The following NUF2 variants were observed in gnomAD, a reference collection of about 807,000 sequenced individuals.
NUF2 encodes kinetochore protein Nuf2.
Under a neutral mutation model 61.8 loss-of-function variants are expected in NUF2, and 34 were observed. The observed-to-expected ratio is 0.55, with a 90% CI of 0.42 to 0.73. The LOEUF is 0.73. NUF2 is among the 30% of genes least tolerant of loss of function. The pLI is 0.00. For synonymous variants in NUF2, 172 were observed against 181.6 expected (o/e 0.95, Z 0.42); for missense variants, 445 against 539.1 (o/e 0.83, Z 1.73).
At chr1:163,329,946 T>G (rs1459881688) in intron 5 of NUF2, among the ~76,000 whole-genome samples, 1 of 152,076 alleles carries the variant, frequency 6.6e-6, no homozygotes, top group African/African-American at 2.4e-5. Flanking sequence ...AAGAAGCCAG[T>G]CTGCAAAGCC....
chr1:163,338,525 C>T (rs1177702991), intron 7 of NUF2, among the ~76,000 whole-genome samples: 1 of 151,954 alleles, frequency 6.6e-6, no homozygotes, highest in Non-Finnish European at 1.5e-5. Flanking sequence ...AAGAATCACT[C>T]AACAGTTGTG....
chr1:163,329,978 G>A (rs1439981087), intron 5 of NUF2, among the ~76,000 whole-genome samples: 1 of 152,104 alleles, frequency 6.6e-6, no homozygotes, highest in Non-Finnish European at 1.5e-5. Context: ...ATATCATTCT[G>A]GAAAGGGCAA....
intron 4 of NUF2, 39 bp downstream of exon 4, chr1:163,328,343 G>GT (rs1557946998): frequency 1.6e-6 from 2 of 1,244,916 alleles, no homozygotes. Context: ...GTCTACATTC[G>GT]TATTTATATT....
chr1:163,347,393 C>A (rs1270202153), intron 11 of NUF2, among the ~76,000 whole-genome samples: 1 of 152,206 alleles, frequency 6.6e-6, no homozygotes, highest in East Asian at 1.9e-4. Context: ...TTGTGTTACC[C>A]AAAAAAGATG....
intron 11 of NUF2, chr1:163,346,198 A>T (rs1033642026): frequency 6.6e-6 from 1 of 152,294 alleles, no homozygotes; most frequent in African/African-American, 2.4e-5. Flanking sequence ...CATACCTATG[A>T]TAAAGTTTAA....
At chr1:163,331,233 C>T (rs1650589941) in intron 5 of NUF2, among the ~76,000 whole-genome samples, 1 of 151,696 alleles carries the variant, frequency 6.6e-6, no homozygotes, top group Non-Finnish European at 1.5e-5. Flanking sequence ...GAGTTTTTAT[C>T]ATGAAGGGTA....
chr1:163,325,992 C>G, intron 1 of NUF2, 40 bp from the exon 2 acceptor site: 4 of 1,523,440 alleles, frequency 2.6e-6, no homozygotes, highest in Non-Finnish European at 2.7e-6. Context: ...ATGAGAACTA[C>G]TGATCATGTG....
At chr1:163,348,761 T>G (rs558290055) in intron 12 of NUF2, among the ~76,000 whole-genome samples, 184 bp from the exon 13 acceptor site, 1 of 152,294 alleles carries the variant, frequency 6.6e-6, no homozygotes, top group South Asian at 2.1e-4. Context: ...GAGTTCACAC[T>G]ATGTTGTGAT....
intron 10 of NUF2, among the ~76,000 whole-genome samples, chr1:163,344,243 A>G (rs564199656): frequency 6.6e-6 from 1 of 152,134 alleles, no homozygotes; most frequent in Non-Finnish European, 1.5e-5. Flanking sequence ...GCATGTGTGT[A>G]GGTAGGGGTA....
At chr1:163,331,664 A>C (rs1027301449) in intron 5 of NUF2, among the ~76,000 whole-genome samples, 13 of 152,124 alleles carry the variant, frequency 8.5e-5, no homozygotes, top group African/African-American at 3.1e-4. Flanking sequence ...TAAGAATTCA[A>C]AGTCTTTAAT....
At chr1:163,330,404 G>A (rs1459974577) in intron 5 of NUF2, among the ~76,000 whole-genome samples, 2 of 152,126 alleles carry the variant, frequency 1.3e-5, no homozygotes, top group Non-Finnish European at 2.9e-5. Context: ...CTATTTTTGA[G>A]CTCGCTATTC....
At chr1:163,338,437 G>C (rs867527867) in intron 7 of NUF2, among the ~76,000 whole-genome samples, 4 of 151,860 alleles carry the variant, frequency 2.6e-5, no homozygotes, top group Non-Finnish European at 5.9e-5. Flanking sequence ...CAGATCAGTT[G>C]ATTCCATCAA....
intron 3 of NUF2, 125 bp downstream of exon 3, chr1:163,327,687 C>A (rs943356306): frequency 4.8e-6 from 3 of 629,548 alleles, no homozygotes; most frequent in Non-Finnish European, 8.5e-6. Flanking sequence ...TTATTTTTAA[C>A]AAATTCAAAG....
At chr1:163,347,092 A>G (rs1301286905) in intron 11 of NUF2, among the ~76,000 whole-genome samples, 1 of 152,254 alleles carries the variant, frequency 6.6e-6, no homozygotes, top group Non-Finnish European at 1.5e-5. Context: ...AAATGATCTT[A>G]GCATCAGAAA....
At chr1:163,347,648 T>C in intron 11 of NUF2, 115 bp from the exon 12 acceptor site, 1 of 761,534 alleles carries the variant, frequency 1.3e-6, no homozygotes, top group South Asian at 2.7e-5. Flanking sequence ...TTTAAAGAGT[T>C]TTGTCTCTTT....
chr1:163,329,561 G>A (rs1234624999), intron 5 of NUF2, among the ~76,000 whole-genome samples: 2 of 152,166 alleles, frequency 1.3e-5, no homozygotes, highest in African/African-American at 2.4e-5. Flanking sequence ...AAGGCAAATG[G>A]GGAGCAGACA....
At chr1:163,346,044 A>C in intron 11 of NUF2, 2 of 336,580 alleles carry the variant, frequency 5.9e-6, no homozygotes, top group East Asian at 5.3e-5. Flanking sequence ...TAACTAACCC[A>C]TCACATTGCT....
chr1:163,328,772 A>T (rs533772778), intron 4 of NUF2, 74 bp from the exon 5 acceptor site: 5 of 895,588 alleles, frequency 5.6e-6, no homozygotes, highest in South Asian at 1.4e-5. Flanking sequence ...TGAAAATAAG[A>T]TGTTTATATC....
chr1:163,355,745 A>T lies in NUF2; in HGVS notation c.*276A>T, dbSNP rs900015862. The T allele has an allele frequency of 1.1e-4, 21 of 192,876 alleles. No individual in the cohort carries two copies. The highest frequency in any genetic ancestry group is 4.5e-4 in the African/African-American group (19 of 42,642). The allele number at this position is 192,876 out of a possible 1,614,324, so 11.9% of individuals were successfully genotyped here. On this transcript the variant is annotated 3_prime_UTR_variant, in exon 14 of 14. Coordinates refer to ENST00000271452, the MANE Select transcript of NUF2 (RefSeq NM_145697.3). ...AACTAGTTACCTTTGAAATATATAT[A>T]TTTTTTTCTGTTACTATCATGGCTG...
Sources: gnomAD v4.1 joint callset for allele counts (sites outside exome capture counted in the v4.1 genomes callset) on GRCh38, gnomAD v4.1.1 for gene constraint, MANE v1.5 for transcripts, NCBI Gene and HGNC (gene_info 2026-07-23, HGNC 2026-07-21) for gene names.